Variants in PFKFB3 observed in about 807,000 individuals in gnomAD.
PFKFB3 encodes the protein 6-phosphofructo-2-kinase/fructose-2,6-biphosphatase 3.
Under a neutral mutation model 68.0 loss-of-function variants are expected in PFKFB3, and 33 were observed. That is an observed-to-expected ratio of 0.49 (90% CI 0.37 to 0.65). The LOEUF (loss-of-function observed/expected upper bound fraction) is 0.65, where lower values mean the gene tolerates loss of function less well. Ranked by LOEUF, PFKFB3 falls within the 30% of genes least tolerant of loss-of-function variation. The probability of loss-of-function intolerance (pLI) is 0.00; values close to 1 mark genes in which losing one functional copy is unlikely to be tolerated. For synonymous variants in PFKFB3, 315 were observed against 288.2 expected, an observed-to-expected ratio of 1.09 and a Z score of -0.94; for missense variants, 586 against 712.2, an observed-to-expected ratio of 0.82 and a Z score of 2.02.
intron 14 of PFKFB3, among the ~76,000 whole-genome samples, chr10:6,253,542 C>T (rs1249538303): frequency 6.6e-6 from 1 of 152,062 alleles, no homozygotes; most frequent in African/African-American, 2.4e-5. Flanking sequence ...GGCCAGGGTG[C>T]CAGCGGGGGA....
chr10:6,303,099 G>A, the PFKFB3 span, among the ~76,000 whole-genome samples: 2 of 152,122 alleles, frequency 1.3e-5, no homozygotes, highest in Non-Finnish European at 2.9e-5. Context: ...TTGTTTGTCA[G>A]CAACTGTTTG....
At chr10:6,269,604 G>A in the PFKFB3 span, among the ~76,000 whole-genome samples, 1 of 152,168 alleles carries the variant, frequency 6.6e-6, no homozygotes, top group Non-Finnish European at 1.5e-5. Context: ...GTTGCAGTTA[G>A]GAAAGTGGAA....
intron 1 of PFKFB3, among the ~76,000 whole-genome samples, chr10:6,155,387 A>G (rs912161671): frequency 6.6e-6 from 1 of 151,366 alleles, no homozygotes; most frequent in Admixed American, 6.6e-5. Flanking sequence ...TGTATTTTTC[A>G]TAGAGACGGG....
chr10:6,161,852 G>A (rs1289326751), intron 1 of PFKFB3, among the ~76,000 whole-genome samples: 1 of 152,046 alleles, frequency 6.6e-6, no homozygotes, highest in African/African-American at 2.4e-5. Context: ...TGCCCAGGGT[G>A]GCCTTTAATT....
At chr10:6,289,417 A>G in the PFKFB3 span, among the ~76,000 whole-genome samples, 6 of 152,124 alleles carry the variant, frequency 3.9e-5, no homozygotes, top group Admixed American at 3.9e-4. Flanking sequence ...TCAGCTTTCT[A>G]CATATGGCTA....
At chr10:6,282,637 A>T in the PFKFB3 span, among the ~76,000 whole-genome samples, 5 of 152,194 alleles carry the variant, frequency 3.3e-5, no homozygotes, top group African/African-American at 1.2e-4. Flanking sequence ...TGAGGACAAG[A>T]TAAAAGCTCC....
chr10:6,241,648 A>C (rs7074366), intron 14 of PFKFB3, among the ~76,000 whole-genome samples: 47,138 of 152,076 alleles, frequency 0.31, 7,881 homozygotes, highest in African/African-American at 0.42. Flanking sequence ...CCTGAGCAAC[A>C]TAGTGAGACC....
chr10:6,239,694 G>C (rs1450541061), downstream of PFKFB3, among the ~76,000 whole-genome samples: 1 of 151,964 alleles, frequency 6.6e-6, no homozygotes, highest in African/African-American at 2.4e-5. Context: ...TTTTTTTTGA[G>C]AGAGGGTCTT....
At chr10:6,168,988 GCT>G (rs1842223076) in intron 1 of PFKFB3, among the ~76,000 whole-genome samples, 1 of 151,844 alleles carries the variant, frequency 6.6e-6, no homozygotes, top group Non-Finnish European at 1.5e-5. Context: ...CCAGAGTCTC[GCT>G]CTGTCACCCA....
At chr10:6,224,485 CT>C (rs747978615) in intron 13 of PFKFB3, 467 of 590,322 alleles carry the variant, frequency 7.9e-4, no homozygotes, top group Middle Eastern at 1.4e-3. Flanking sequence ...TACATTCTCT[CT>C]TTTTTTTTAT....
intron 1 of PFKFB3, among the ~76,000 whole-genome samples, chr10:6,178,302 C>G (rs1356470635): frequency 2.0e-5 from 3 of 152,190 alleles, no homozygotes; most frequent in Non-Finnish European, 4.4e-5. Flanking sequence ...TGGGGCGCCC[C>G]TGCTGTGGGC....
downstream of PFKFB3, among the ~76,000 whole-genome samples, chr10:6,240,333 C>T (rs757311961): frequency 2.0e-5 from 3 of 152,068 alleles, no homozygotes; most frequent in Non-Finnish European, 2.9e-5. Context: ...GGCACTATCT[C>T]GGCTCACTGG....
At chr10:6,153,820 C>T (rs546000737) in intron 1 of PFKFB3, among the ~76,000 whole-genome samples, 3 of 151,416 alleles carry the variant, frequency 2.0e-5, no homozygotes, top group East Asian at 1.9e-4. Flanking sequence ...CGCCACTGCA[C>T]GCCAGCCTGG....
the PFKFB3 span, chr10:6,293,854 A>G: frequency 5.0e-6 from 2 of 399,000 alleles, no homozygotes; most frequent in Non-Finnish European, 1.0e-5. Flanking sequence ...CAGACCAACC[A>G]ATAAGGTTGG....
chr10:6,300,166 G>A, the PFKFB3 span, among the ~76,000 whole-genome samples: 2 of 151,612 alleles, frequency 1.3e-5, no homozygotes, highest in Non-Finnish European at 2.9e-5. Flanking sequence ...GGCGAGATGC[G>A]AGTCACTCCA....
chr10:6,153,322 C>T (rs1841657336), intron 1 of PFKFB3, among the ~76,000 whole-genome samples: 1 of 152,226 alleles, frequency 6.6e-6, no homozygotes, highest in South Asian at 2.1e-4. Flanking sequence ...TCGGTCCTTT[C>T]AGCAGTGCCC....
chr10:6,248,492 G>A (rs983531690), intron 14 of PFKFB3, among the ~76,000 whole-genome samples: 1 of 151,912 alleles, frequency 6.6e-6, no homozygotes, highest in Admixed American at 6.6e-5. Flanking sequence ...AGCTGGGTGT[G>A]GTGGCACGTG....
intron 1 of PFKFB3, among the ~76,000 whole-genome samples, chr10:6,158,642 G>T (rs1164177134): frequency 6.6e-6 from 1 of 152,136 alleles, no homozygotes; most frequent in Non-Finnish European, 1.5e-5. Context: ...TAGGCAGGCG[G>T]ATCACCTGAG....
intron 14 of PFKFB3, among the ~76,000 whole-genome samples, chr10:6,244,289 A>G (rs149827307): frequency 1.3e-5 from 2 of 152,300 alleles, no homozygotes; most frequent in Non-Finnish European, 2.9e-5. Flanking sequence ...ACAGGGAAAC[A>G]CGAAGTGAAG....
Sources: allele counts gnomAD v4.1 joint callset (sites outside exome capture counted in the v4.1 genomes callset), GRCh38; gene constraint gnomAD v4.1.1; transcripts MANE v1.5; gene names NCBI Gene and HGNC (gene_info 2026-07-23, HGNC 2026-07-21).